RNF43: variants seen among roughly 807,000 people sequenced by gnomAD.
RNF43 encodes the protein ring finger protein 43.
Under a neutral mutation model 78.4 loss-of-function variants are expected in RNF43, and 37 were observed. The observed-to-expected ratio is 0.47, with a 90% CI of 0.36 to 0.62. RNF43 has a LOEUF of 0.62. Among genes scored for constraint, RNF43 ranks in the 20% least tolerant of loss-of-function variants. The pLI, the probability that RNF43 is intolerant of heterozygous loss-of-function variation, is 0.00. For synonymous variants in RNF43, 347 were observed against 395.0 expected (o/e 0.88, Z 1.44); for missense variants, 774 against 1,007.9 (o/e 0.77, Z 3.14).
downstream of RNF43, chr17:58,352,997 A>T: frequency 4.6e-6 from 1 of 218,396 alleles, no homozygotes; most frequent in Non-Finnish European, 9.2e-6. Context: ...TGAGGAAGCG[A>T]CAAAGGCCCC....
rs764017391 is a variant in RNF43, at chr17:58,358,586, C to T, written c.1190G>A (p.Arg397Gln). 4.7e-5 allele frequency: 75 copies of T among 1,591,276 alleles called. No individual in the cohort carries two copies. Among genetic ancestry groups the T allele is most frequent in the East Asian group, 1.6e-4 (7 of 44,516 alleles). ...HHRFPRAAHPRAPGEQQRLAG... is the reference protein window; with the variant it reads ...HHRFPRAAHPQAPGEQQRLAG... ...CAGGCGCTGCTGCTCTCCTGGAGCC[C>T]GGGGATGTGCAGCTCTGGGGAAGCG... is the stretch of plus-strand genomic sequence containing the variant. The change falls in exon 9 of 10, where the codon CGG (arginine) becomes CAG (glutamine). Residue 397 changes from arginine (R) to glutamine (Q), a missense_variant. Transcript: ENST00000407977. This position sits in a 1 kb window ranked among gnomAD's most constrained non-coding sequence, Gnocchi z 6.2.
rs1972815674 is a variant in RNF43 at position 58,360,669 on chromosome 17, A to G, written c.849+114T>C. ...CTGATCTCTGCCTCATGCAGGACAC[A>G]TGGGAAACAGATGTAGCCAGGGTAC... On this transcript the variant is annotated intron_variant, in intron 7 of 9. Coordinates refer to ENST00000407977, the MANE Select transcript of RNF43 (RefSeq NM_017763.6). This position sits in a 1 kb window ranked among gnomAD's most constrained non-coding sequence, Gnocchi z 4.3. 1.7e-6 allele frequency: 2 copies of G among 1,167,618 alleles called. No homozygotes were observed. Among genetic ancestry groups the G allele is most frequent in the Non-Finnish European group, 2.4e-6 (2 of 838,208 alleles). 72.3% of individuals were successfully genotyped at this position (1,167,618 alleles called of 1,614,324 possible). A position where few individuals can be genotyped will look rare whatever the true frequency, so the allele number is the denominator to read the frequency against.
At chr17:58,389,211 G>A (rs1262371940) in intron 2 of RNF43, among the ~76,000 whole-genome samples, 3 of 151,840 alleles carry the variant, frequency 2.0e-5, no homozygotes, top group Non-Finnish European at 4.4e-5. Context: ...AAAAGGAGAA[G>A]GAATTAATTA....
chr17:58,359,716 C>G (rs1183452796), intron 8 of RNF43, among the ~76,000 whole-genome samples: 1 of 151,980 alleles, frequency 6.6e-6, no homozygotes, highest in Admixed American at 6.6e-5. Context: ...CACCTGAGGT[C>G]AGCAGTTTGA....
intron 2 of RNF43, among the ~76,000 whole-genome samples, chr17:58,383,242 C>T (rs1222396918): frequency 1.3e-5 from 2 of 152,210 alleles, no homozygotes; most frequent in East Asian, 1.9e-4. Context: ...TTTCCCCCGT[C>T]CTTTATTATT....
At chr17:58,403,648 T>G (rs866153756) in intron 2 of RNF43, among the ~76,000 whole-genome samples, 2 of 152,074 alleles carry the variant, frequency 1.3e-5, no homozygotes, top group South Asian at 4.2e-4. Context: ...GAATACACAA[T>G]GCAGAAAGTC....
At chr17:58,403,299 G>C (rs1278472559) in intron 2 of RNF43, among the ~76,000 whole-genome samples, 1 of 152,142 alleles carries the variant, frequency 6.6e-6, no homozygotes, top group African/African-American at 2.4e-5. Flanking sequence ...TAAATTCTAG[G>C]CACTCACATA....
At chr17:58,413,748 G>A (rs1327258368) in intron 2 of RNF43, among the ~76,000 whole-genome samples, 9 of 152,170 alleles carry the variant, frequency 5.9e-5, no homozygotes, top group Non-Finnish European at 1.2e-4. Flanking sequence ...CAAACTTTAT[G>A]TAGAGCTTTA....
intron 2 of RNF43, among the ~76,000 whole-genome samples, chr17:58,377,681 C>T (rs1017580956): frequency 6.1e-5 from 8 of 131,446 alleles, no homozygotes; most frequent in Admixed American, 3.8e-4. Flanking sequence ...CCCACCCACC[C>T]ACCCCCTCCT....
At chr17:58,396,882 G>A (rs1973692908) in intron 2 of RNF43, among the ~76,000 whole-genome samples, 1 of 152,008 alleles carries the variant, frequency 6.6e-6, no homozygotes, top group African/African-American at 2.4e-5. Context: ...AATCAAATAT[G>A]ATGCTAATTT....
intron 4 of RNF43, 49 bp downstream of exon 4, chr17:58,363,477 T>C: frequency 6.2e-7 from 1 of 1,612,658 alleles, no homozygotes; most frequent in Non-Finnish European, 8.5e-7. Context: ...GAGAGCTTTA[T>C]CTTCCTCCAT....
chr17:58,383,046 T>A (rs1269877234), intron 2 of RNF43, among the ~76,000 whole-genome samples: 1 of 152,230 alleles, frequency 6.6e-6, no homozygotes, highest in Non-Finnish European at 1.5e-5. Flanking sequence ...CCCACTGGCT[T>A]CAGGCCATAG....
At chr17:58,403,989 C>A (rs1259939174) in intron 2 of RNF43, among the ~76,000 whole-genome samples, 1 of 152,160 alleles carries the variant, frequency 6.6e-6, no homozygotes, top group Non-Finnish European at 1.5e-5. Flanking sequence ...ATCATTGGGA[C>A]AACCTTGACG....
At chr17:58,368,495 T>C (rs983586091) in intron 3 of RNF43, among the ~76,000 whole-genome samples, 8 of 151,228 alleles carry the variant, frequency 5.3e-5, no homozygotes, top group Admixed American at 3.3e-4. Context: ...TGCAGTGAGC[T>C]GAGACCACGC....
chr17:58,379,987 C>T lies in RNF43; in HGVS notation c.253-8954G>A, dbSNP rs548442708. On this transcript the variant is annotated intron_variant, in intron 2 of 9. Coordinates refer to ENST00000407977, the MANE Select transcript of RNF43 (RefSeq NM_017763.6). ...AGCCCGTCAAATATCATTTTAGTTACATCAGGGATCTTTAGAAGCAAGGCC... is the reference window on the plus strand; with the variant it reads ...AGCCCGTCAAATATCATTTTAGTTATATCAGGGATCTTTAGAAGCAAGGCC... Among the ~76,000 whole-genome samples, 3 of 152,310 alleles carry T rather than the reference C, an allele frequency of 2.0e-5. No homozygotes were observed. The East Asian group carries it at 5.8e-4, about 29-fold the overall frequency.
In RNF43 at chr17:58,360,628, A is replaced by G. The variant is rs1299317867; in HGVS notation, c.849+155T>C. On this transcript the variant is annotated intron_variant, in intron 7 of 9. Coordinates refer to ENST00000407977, the MANE Select transcript of RNF43 (RefSeq NM_017763.6). The surrounding 1 kb of genome is among the most constrained non-coding windows in gnomAD (Gnocchi z 4.3). Reference sequence around the variant, plus strand: ...CACTGGAAGGTCAGAAAAGTGACCAAACTTCAGGCTGGTCCCTGATCTCTG... The same window carrying G: ...CACTGGAAGGTCAGAAAAGTGACCAGACTTCAGGCTGGTCCCTGATCTCTG... 2.6e-5 allele frequency among the ~76,000 whole-genome samples: 4 copies of G among 152,224 alleles called. No individual in the cohort carries two copies. The highest frequency in any genetic ancestry group is 4.4e-5 in the Non-Finnish European group (3 of 68,042).
Position 58,354,622 on chromosome 17 carries a change from C to G in RNF43, c.*321G>C. 1 of 440,450 alleles carries G rather than the reference C, an allele frequency of 2.3e-6. No homozygotes were observed. Among genetic ancestry groups the G allele is most frequent in the South Asian group, 2.5e-5 (1 of 40,292 alleles). The allele number at this position is 440,450 out of a possible 1,614,324, so 27.3% of individuals were successfully genotyped here. On this transcript the variant is annotated 3_prime_UTR_variant, in exon 10 of 10. Transcript: ENST00000407977. Reference sequence around the variant, plus strand: ...CAGCACCTTTGTAACACCTGGCTACCCATAGCTAGCTTTCTGCCCTCAAAA... The same window carrying G: ...CAGCACCTTTGTAACACCTGGCTACGCATAGCTAGCTTTCTGCCCTCAAAA...
chr17:58,371,095 C>G (rs1973086529), intron 2 of RNF43, 62 bp from the exon 3 acceptor site: 1 of 1,434,692 alleles, frequency 7.0e-7, no homozygotes, highest in Non-Finnish European at 9.3e-7. Context: ...GCTGTGAGAG[C>G]CATATACCTC....
chr17:58,405,778 A>G (rs1053333637), intron 2 of RNF43, among the ~76,000 whole-genome samples: 4 of 151,158 alleles, frequency 2.6e-5, no homozygotes, highest in South Asian at 2.1e-4. Context: ...GAGAAAATAA[A>G]TAAATCAGCA....
Sources: allele counts gnomAD v4.1 joint callset (sites outside exome capture counted in the v4.1 genomes callset), GRCh38; gene constraint gnomAD v4.1.1; non-coding constraint Gnocchi (gnomAD v3.1); transcripts MANE v1.5; gene names NCBI Gene and HGNC (gene_info 2026-07-23, HGNC 2026-07-21).